The following MAEA variants were observed in gnomAD, a reference collection of about 807,000 sequenced individuals.
MAEA encodes E3 ubiquitin-protein transferase MAEA.
Under a neutral mutation model 46.2 loss-of-function variants are expected in MAEA, and 22 were observed. The ratio of observed to expected loss-of-function variants is 0.48; its 90% CI spans 0.34 to 0.68. The LOEUF (loss-of-function observed/expected upper bound fraction) is 0.68. Ranked by LOEUF, MAEA falls within the 30% of genes least tolerant of loss-of-function variation. MAEA has a pLI of 0.01. For missense variants in MAEA, 393 were observed against 558.1 expected, an observed-to-expected ratio of 0.70 and a Z score of 2.98; for synonymous variants, 246 against 222.6, an observed-to-expected ratio of 1.11 and a Z score of -0.94.
intron 5 of MAEA, chr4:1,329,920 G>A (rs781485992): frequency 1.0e-6 from 1 of 985,598 alleles, no homozygotes; most frequent in Non-Finnish European, 1.2e-6. Flanking sequence ...TGAACTCACG[G>A]TCCACATGGC....
intron 3 of MAEA, among the ~76,000 whole-genome samples, 186 bp from the exon 4 acceptor site, chr4:1,322,195 G>C (rs544827732): frequency 1.3e-5 from 2 of 152,316 alleles, no homozygotes; most frequent in African/African-American, 4.8e-5. Context: ...CTTGGGGGCT[G>C]TTCTGTTCCT....
intron 5 of MAEA, 136 bp downstream of exon 5, chr4:1,327,839 C>T: frequency 3.0e-6 from 2 of 669,956 alleles, no homozygotes; most frequent in Non-Finnish European, 5.2e-6. Context: ...TGACCCCTGC[C>T]TGCTCAGGTG....
intron 1 of MAEA, among the ~76,000 whole-genome samples, chr4:1,292,536 C>T (rs1343952216): frequency 2.0e-5 from 3 of 152,094 alleles, no homozygotes; most frequent in African/African-American, 4.8e-5. Flanking sequence ...GGCCTGCGAA[C>T]GTTTGGGCTG....
In MAEA at chr4:1,329,183, A is replaced by G. The variant is rs898834954; in HGVS notation, c.656+1480A>G. ...ATCTAGGTGGCAGCTGGTTCCGCATAGGGTCTGTTGACCTGTTACCCCCAC... is the reference window on the plus strand; with the variant it reads ...ATCTAGGTGGCAGCTGGTTCCGCATGGGGTCTGTTGACCTGTTACCCCCAC... On this transcript the variant is annotated intron_variant, in intron 5 of 8. Transcript: ENST00000303400. 6.1e-6 allele frequency: 6 copies of G among 985,584 alleles called. No individual in the cohort carries two copies. In the African/African-American group the frequency reaches 1.0e-4, roughly 17 times the overall value. 61.1% of individuals were successfully genotyped at this position (985,584 alleles called of 1,614,324 possible).
At chr4:1,333,023 T>G (rs1373776780) in intron 6 of MAEA, among the ~76,000 whole-genome samples, 158 bp downstream of exon 6, 1 of 152,052 alleles carries the variant, frequency 6.6e-6, no homozygotes, top group Non-Finnish European at 1.5e-5. Flanking sequence ...CTTGTTTGAC[T>G]CCCATTTTGC....
intron 3 of MAEA, among the ~76,000 whole-genome samples, chr4:1,322,140 G>T (rs1298590284): frequency 1.3e-5 from 2 of 152,160 alleles, no homozygotes; most frequent in Non-Finnish European, 2.9e-5. Flanking sequence ...TGGCTCCCTT[G>T]CCCGGCTATG....
chr4:1,336,869 G>A lies in MAEA; in HGVS notation c.774G>A (p.Leu258=), dbSNP rs1394355885. 1 of 1,613,780 alleles carries A rather than the reference G, an allele frequency of 6.2e-7. No homozygotes were observed. Among genetic ancestry groups the A allele is most frequent in the Admixed American group, 1.7e-5 (1 of 60,004 alleles). Residue 258 remains leucine (L), a synonymous_variant, in exon 7 of 9, where the codon CTG becomes CTA. Coordinates refer to ENST00000303400, the MANE Select transcript of MAEA (RefSeq NM_001017405.3). The part of the protein sequence containing the change: ...DTHISPYKDL[L]DPARWRMLIQ... Reference sequence around the variant, plus strand: ...TGCTCTCTGTCTTCCAGGACCTTCTGGACCCTGCACGGTGGCGGATGCTGA... The same window carrying A: ...TGCTCTCTGTCTTCCAGGACCTTCTAGACCCTGCACGGTGGCGGATGCTGA...
At chr4:1,321,469 GA>G (rs1430247114) in intron 3 of MAEA, among the ~76,000 whole-genome samples, 2 of 152,206 alleles carry the variant, frequency 1.3e-5, no homozygotes, top group East Asian at 3.8e-4. Flanking sequence ...TCAGAAACAA[GA>G]AATCATGAAA....
chr4:1,301,429 C>A (rs908016338), intron 1 of MAEA, among the ~76,000 whole-genome samples: 1 of 152,142 alleles, frequency 6.6e-6, no homozygotes, highest in Non-Finnish European at 1.5e-5. Context: ...GTAGAGAAAT[C>A]CCGTGAACAT....
intron 5 of MAEA, 23 bp from the exon 6 acceptor site, chr4:1,332,734 T>C: frequency 6.3e-7 from 1 of 1,587,926 alleles, no homozygotes; most frequent in Non-Finnish European, 8.6e-7. Flanking sequence ...CAAACTTAAA[T>C]GTGCCAAAAT....
intron 3 of MAEA, among the ~76,000 whole-genome samples, chr4:1,320,388 G>C (rs777161916): frequency 2.7e-5 from 4 of 147,446 alleles, no homozygotes; most frequent in Non-Finnish European, 5.9e-5. Flanking sequence ...CTTCAGAAAA[G>C]AATCATCAAC....
rs931682070 is a variant in MAEA at position 1,320,699 on chromosome 4, A to G, written c.457-1682A>G. Among the ~76,000 whole-genome samples, 16 of 152,014 alleles carry G rather than the reference A, an allele frequency of 1.1e-4. 1 individual carries two copies. In the East Asian group the frequency reaches 2.9e-3, roughly 28 times the overall value. ...AGGGGTTTCAGAAAAGAAATCATCAACATGAACATGCAAGAAGACGCTATG... is the reference window on the plus strand; with the variant it reads ...AGGGGTTTCAGAAAAGAAATCATCAGCATGAACATGCAAGAAGACGCTATG... On this transcript the variant is annotated intron_variant, in intron 3 of 8. Coordinates refer to ENST00000303400, the MANE Select transcript of MAEA (RefSeq NM_001017405.3).
rs552476313 is a variant in MAEA, at chr4:1,301,076, A to G, written c.70-10903A>G. ...TGAGCTTCGTGATCAATATTTAGAAACCTCTTCTGGTTAATTGCAAAAGAC... is the reference window on the plus strand; with the variant it reads ...TGAGCTTCGTGATCAATATTTAGAAGCCTCTTCTGGTTAATTGCAAAAGAC... On this transcript the variant is annotated intron_variant, in intron 1 of 8. Transcript: ENST00000303400. Among the ~76,000 whole-genome samples the G allele has an allele frequency of 7.9e-5, 12 of 151,958 alleles. No individual in the cohort carries two copies. In the East Asian group the frequency reaches 2.3e-3, roughly 29 times the overall value.
At chr4:1,301,215 C>T (rs954868670) in intron 1 of MAEA, among the ~76,000 whole-genome samples, 7 of 152,188 alleles carry the variant, frequency 4.6e-5, no homozygotes, top group African/African-American at 9.7e-5. Context: ...GCACGGCAAA[C>T]GCTGGAGAAG....
At chr4:1,315,214 C>T (rs755727322) in intron 2 of MAEA, among the ~76,000 whole-genome samples, 183 bp from the exon 3 acceptor site, 11 of 152,128 alleles carry the variant, frequency 7.2e-5, no homozygotes, top group Non-Finnish European at 1.5e-4. Flanking sequence ...TCACTGCCTC[C>T]GTCTGCAGCT....
At chr4:1,332,564 T>C in intron 5 of MAEA, 193 bp from the exon 6 acceptor site, 1 of 491,522 alleles carries the variant, frequency 2.0e-6, no homozygotes, top group Non-Finnish European at 3.7e-6. Flanking sequence ...AGATGTTTTT[T>C]ACATTAGCTA....
chr4:1,332,572 C>G (rs1046111918), intron 5 of MAEA, 185 bp from the exon 6 acceptor site: 1 of 521,316 alleles, frequency 1.9e-6, no homozygotes, highest in Non-Finnish European at 3.5e-6. Context: ...TTTACATTAG[C>G]TAGGTGTGGT....
At chr4:1,303,542 C>T (rs1336108517) in intron 1 of MAEA, among the ~76,000 whole-genome samples, 2 of 152,126 alleles carry the variant, frequency 1.3e-5, no homozygotes, top group Non-Finnish European at 2.9e-5. Context: ...TGCCACATCA[C>T]AGGTGAACCT....
chr4:1,339,430 CTCTTCTT>C lies in MAEA; in HGVS notation c.*263_*269del. 1 of 511,120 alleles carries C rather than the reference CTCTTCTT, an allele frequency of 2.0e-6. No individual in the cohort carries two copies. 31.7% of individuals were successfully genotyped at this position (511,120 alleles called of 1,614,324 possible). On this transcript the variant is annotated 3_prime_UTR_variant, in exon 9 of 9. Coordinates refer to ENST00000303400, the MANE Select transcript of MAEA (RefSeq NM_001017405.3). ...AAGTACTTTCAACTTGCGAAGGAAA[CTCTTCTT>C]TAAAGACTGACCTAAACACCGAGGG... is the stretch of plus-strand genomic sequence containing the variant.
Sources: allele counts gnomAD v4.1 joint callset (sites outside exome capture counted in the v4.1 genomes callset), GRCh38; gene constraint gnomAD v4.1.1; transcripts MANE v1.5; gene names NCBI Gene and HGNC (gene_info 2026-07-23, HGNC 2026-07-21).